The following BCL2 variants were observed in gnomAD, a reference collection of about 807,000 sequenced individuals.
BCL2 encodes the protein apoptosis regulator Bcl-2.
A neutral mutation model predicts 14.2 loss-of-function variants in BCL2; 1 was observed. The observed-to-expected ratio is 0.07, with a 90% CI of 0.02 to 0.33. The LOEUF (loss-of-function observed/expected upper bound fraction) is 0.33. Ranked by LOEUF, BCL2 falls within the 10% of genes least tolerant of loss-of-function variation. BCL2 has a pLI of 0.99. For synonymous variants in BCL2, 151 were observed against 137.2 expected, an observed-to-expected ratio of 1.10 and a Z score of -0.70; for missense variants, 247 against 305.9, an observed-to-expected ratio of 0.81 and a Z score of 1.44.
At chr18:63,183,928 A>G (rs181924576) in intron 2 of BCL2, among the ~76,000 whole-genome samples, 2 of 152,280 alleles carry the variant, frequency 1.3e-5, no homozygotes, top group Admixed American at 1.3e-4. Flanking sequence ...GCAGCACTCC[A>G]TTATGCTGTG....
chr18:63,188,749 C>T (rs943122472), intron 2 of BCL2, among the ~76,000 whole-genome samples: 1 of 151,894 alleles, frequency 6.6e-6, no homozygotes, highest in African/African-American at 2.4e-5. Flanking sequence ...ATTAGCTGAA[C>T]AGTATATTAT....
chr18:63,182,637 T>C lies in BCL2; in HGVS notation c.586-53878A>G, dbSNP rs192452908. Among the ~76,000 whole-genome samples, 324 of 152,316 alleles carry C rather than the reference T, an allele frequency of 2.1e-3. 1 individual carries two copies. The highest frequency in any genetic ancestry group is 7.2e-3 in the African/African-American group (300 of 41,560). ...AACAGCCTGAAACAAGGGGTGGCTG[T>C]GCAAACTCCATTCTCCTGCCATAAA... On this transcript the variant is annotated intron_variant, in intron 2 of 2. Transcript: ENST00000333681.
chr18:63,126,211 G>A lies in BCL2; in HGVS notation c.*2414C>T, dbSNP rs4987857. ...CTGATCATTCTGTTCCCTGAGGCCC[G>A]CCGGGGAGGTCTGGCTTCATACCAC... On this transcript the variant is annotated 3_prime_UTR_variant, in exon 3 of 3. Coordinates refer to ENST00000333681, the MANE Select transcript of BCL2 (RefSeq NM_000633.3). 214 of 216,914 alleles carry A rather than the reference G, an allele frequency of 9.9e-4. 1 individual carries two copies. The East Asian group carries it at 0.013, about 14-fold the overall frequency. 13.4% of individuals were successfully genotyped at this position (216,914 alleles called of 1,614,324 possible). A position where few individuals can be genotyped will look rare whatever the true frequency, so the allele number is the denominator to read the frequency against.
intron 2 of BCL2, among the ~76,000 whole-genome samples, chr18:63,181,482 A>C (rs1287482391): frequency 6.6e-6 from 1 of 152,320 alleles, no homozygotes; most frequent in Middle Eastern, 3.4e-3. Context: ...GGCGCTTGGG[A>C]AAAATGCAGA....
chr18:63,292,736 T>G (rs758011114), intron 2 of BCL2, among the ~76,000 whole-genome samples: 2 of 151,684 alleles, frequency 1.3e-5, no homozygotes, highest in African/African-American at 2.4e-5. Flanking sequence ...ATTCTGGGAG[T>G]GAAATAAGTA....
chr18:63,291,980 C>T (rs1912660999), intron 2 of BCL2, among the ~76,000 whole-genome samples: 1 of 152,030 alleles, frequency 6.6e-6, no homozygotes, highest in Admixed American at 6.6e-5. Flanking sequence ...TATATCAGTG[C>T]TGGGCTCACA....
intron 2 of BCL2, among the ~76,000 whole-genome samples, chr18:63,301,379 A>T (rs1006739992): frequency 6.6e-6 from 1 of 152,254 alleles, no homozygotes; most frequent in African/African-American, 2.4e-5. Flanking sequence ...AAATTGGTGG[A>T]AAACGTAAAT....
At chr18:63,235,779 G>A (rs947793361) in intron 2 of BCL2, among the ~76,000 whole-genome samples, 2 of 151,354 alleles carry the variant, frequency 1.3e-5, no homozygotes, top group Admixed American at 6.6e-5. Flanking sequence ...CTGTTTGCTC[G>A]AGATCTTTCA....
Position 63,279,218 on chromosome 18 carries a change from C to A in BCL2, c.585+38864G>T, listed in dbSNP as rs187942010. The stretch of plus-strand genomic sequence containing the variant: ...GAGGTTACATCAAAATTAAGAAATT[C>A]TTTTCATCAAAAGATTCTGTTTTGA... On this transcript the variant is annotated intron_variant, in intron 2 of 2. Transcript: ENST00000333681. Among the ~76,000 whole-genome samples the A allele has an allele frequency of 3.0e-3, 452 of 152,276 alleles. 2 individuals carry two copies. Among genetic ancestry groups the A allele is most frequent in the African/African-American group, 0.01 (422 of 41,566 alleles).
intron 2 of BCL2, among the ~76,000 whole-genome samples, chr18:63,309,419 T>G (rs1913238096): frequency 1.3e-5 from 2 of 152,204 alleles, no homozygotes; most frequent in Non-Finnish European, 2.9e-5. Flanking sequence ...CAGTAACTGT[T>G]GTTATCTTTC....
intron 2 of BCL2, among the ~76,000 whole-genome samples, chr18:63,176,487 A>G (rs1029571787): frequency 1.3e-5 from 2 of 152,266 alleles, no homozygotes; most frequent in African/African-American, 4.8e-5. Flanking sequence ...GAGTGAGTGA[A>G]CGAGTGAAAG....
intron 2 of BCL2, among the ~76,000 whole-genome samples, chr18:63,197,436 T>C (rs1041989972): frequency 3.3e-5 from 5 of 152,254 alleles, no homozygotes; most frequent in African/African-American, 1.2e-4. Context: ...TGGTGTCATC[T>C]TCTGCAGCAA....
intron 2 of BCL2, among the ~76,000 whole-genome samples, chr18:63,308,932 G>T (rs1224841844): frequency 6.6e-6 from 1 of 152,132 alleles, no homozygotes; most frequent in Non-Finnish European, 1.5e-5. Context: ...TTTAATAGAA[G>T]AAATATTTTA....
At chr18:63,249,709 C>CAAAAAAAAA in intron 2 of BCL2, among the ~76,000 whole-genome samples, 1 of 52,904 alleles carries the variant, frequency 1.9e-5, no homozygotes, top group Non-Finnish European at 3.4e-5. Context: ...GACTCCGCCT[C>CAAAAAAAAA]AAAAAAAAAA....
intron 2 of BCL2, among the ~76,000 whole-genome samples, chr18:63,254,007 G>C (rs577459126): frequency 6.6e-6 from 1 of 151,344 alleles, no homozygotes; most frequent in Non-Finnish European, 1.5e-5. Flanking sequence ...TATAAAGTTA[G>C]TGTTTATTTT....
chr18:63,128,673 G>A lies in BCL2; in HGVS notation c.672C>T (p.Ala224=), dbSNP rs568070522. ...WLSLKTLLSL[A]LVGACITLGA... ...CCAGGGTGATGCAAGCTCCCACCAG[G>A]GCCAAACTGAGCAGAGTCTTCAGAG... is the stretch of plus-strand genomic sequence containing the variant. The change falls in exon 3 of 3, where the codon GCC becomes GCT. Residue 224 remains alanine (A), a synonymous_variant. Coordinates refer to ENST00000333681, the MANE Select transcript of BCL2 (RefSeq NM_000633.3). The A allele has an allele frequency of 1.3e-5, 10 of 780,906 alleles. 1 individual carries two copies. Among genetic ancestry groups the A allele is most frequent in the African/African-American group, 1.2e-4 (7 of 59,108 alleles). 48.4% of individuals were successfully genotyped at this position (780,906 alleles called of 1,614,324 possible).
At chr18:63,165,587 T>C (rs1915023727) in intron 2 of BCL2, among the ~76,000 whole-genome samples, 1 of 152,112 alleles carries the variant, frequency 6.6e-6, no homozygotes, top group Admixed American at 6.5e-5. Context: ...CCCAAACCTC[T>C]CTCAGGCTAA....
At chr18:63,225,924 T>C (rs926950084) in intron 2 of BCL2, among the ~76,000 whole-genome samples, 3 of 152,212 alleles carry the variant, frequency 2.0e-5, no homozygotes, top group African/African-American at 7.2e-5. Flanking sequence ...GGGCGGTCAG[T>C]GTGACACAGC....
intron 2 of BCL2, among the ~76,000 whole-genome samples, chr18:63,170,978 T>A (rs140455352): frequency 6.6e-6 from 1 of 152,244 alleles, no homozygotes. Flanking sequence ...GTAAATAGAC[T>A]TTTTTGAGCA....
Sources: allele counts gnomAD v4.1 joint callset (sites outside exome capture counted in the v4.1 genomes callset), GRCh38; gene constraint gnomAD v4.1.1; transcripts MANE v1.5; gene names NCBI Gene and HGNC (gene_info 2026-07-23, HGNC 2026-07-21).